The following ARHGEF4 variants were observed in gnomAD, a reference collection of about 807,000 sequenced individuals.
ARHGEF4 encodes the protein APC-stimulated guanine nucleotide exchange factor 1.
A neutral mutation model predicts 162.0 loss-of-function variants in ARHGEF4; 119 were observed. The observed-to-expected ratio is 0.73, with a 90% CI of 0.63 to 0.86. The LOEUF is 0.86. Among genes scored for constraint, ARHGEF4 ranks in the 40% least tolerant of loss-of-function variants. The pLI is 0.00. For synonymous variants in ARHGEF4, 1,014 were observed against 979.9 expected (o/e 1.03, Z -0.65); for missense variants, 2,488 against 2,456.0 (o/e 1.01, Z -0.28).
chr2:130,952,662 C>G (rs1684029188), intron 4 of ARHGEF4, among the ~76,000 whole-genome samples: 1 of 152,112 alleles, frequency 6.6e-6, no homozygotes, highest in South Asian at 2.1e-4. Flanking sequence ...ATTTAGAAAA[C>G]CCCATCGTTT....
chr2:130,880,966 T>C (rs1679149958), intron 1 of ARHGEF4, among the ~76,000 whole-genome samples: 2 of 152,234 alleles, frequency 1.3e-5, no homozygotes, highest in Admixed American at 6.5e-5. Flanking sequence ...AATTGCATAT[T>C]TTCTGTAAAT....
intron 3 of ARHGEF4, among the ~76,000 whole-genome samples, chr2:130,931,695 C>G (rs1682644089): frequency 6.6e-6 from 1 of 152,224 alleles, no homozygotes; most frequent in Admixed American, 6.5e-5. Context: ...GTTGTCCATT[C>G]AATTTTGTCT....
chr2:130,990,257 C>G (rs1686852343), intron 4 of ARHGEF4, among the ~76,000 whole-genome samples: 1 of 152,122 alleles, frequency 6.6e-6, no homozygotes, highest in Non-Finnish European at 1.5e-5. Context: ...GAAAATATGT[C>G]TTACAAACAG....
intron 4 of ARHGEF4, among the ~76,000 whole-genome samples, chr2:130,976,903 G>T (rs1289430348): frequency 6.6e-6 from 1 of 152,004 alleles, no homozygotes; most frequent in Non-Finnish European, 1.5e-5. Context: ...GTATGCATTA[G>T]TGTGTGGTGT....
chr2:130,894,192 T>A (rs1680022506), intron 1 of ARHGEF4, among the ~76,000 whole-genome samples: 2 of 152,202 alleles, frequency 1.3e-5, no homozygotes, highest in Admixed American at 1.3e-4. Context: ...TGACCTTAAC[T>A]AAGTTTTCAC....
chr2:130,886,919 G>A (rs527682840), intron 1 of ARHGEF4, among the ~76,000 whole-genome samples: 115 of 151,822 alleles, frequency 7.6e-4, no homozygotes, highest in Admixed American at 1.4e-3. Flanking sequence ...TGATGACTGT[G>A]GCACCAACAA....
chr2:131,036,518 C>T (rs1690296790), intron 5 of ARHGEF4, among the ~76,000 whole-genome samples: 2 of 152,332 alleles, frequency 1.3e-5, no homozygotes, highest in Admixed American at 6.5e-5. Context: ...GGAAGCTGGC[C>T]TCTCTGTGAA....
At chr2:130,922,877 C>T (rs1046751239) in intron 2 of ARHGEF4, among the ~76,000 whole-genome samples, 2 of 150,962 alleles carry the variant, frequency 1.3e-5, no homozygotes, top group Admixed American at 6.6e-5. Flanking sequence ...GTAAATGTGC[C>T]ACAGATATTT....
chr2:130,929,388 TA>T (rs1482870140), intron 2 of ARHGEF4, among the ~76,000 whole-genome samples: 1 of 152,182 alleles, frequency 6.6e-6, no homozygotes, highest in African/African-American at 2.4e-5. Context: ...TCTTTCACTG[TA>T]AACATATGCA....
intron 4 of ARHGEF4, among the ~76,000 whole-genome samples, chr2:131,005,673 T>G (rs1228632862): frequency 6.6e-6 from 1 of 151,276 alleles, no homozygotes; most frequent in African/African-American, 2.4e-5. Flanking sequence ...AGCTGGCCTG[T>G]GTCCTCAGGT....
At position 130,916,338 on chromosome 2, in the gene ARHGEF4, ACCT is replaced by A; in HGVS notation, c.2396_2398del (p.Ser799del). On this transcript the variant is annotated inframe_deletion, in exon 2 of 14. Transcript: ENST00000409359. ...GAAGCGCCCGACGTTTTCCAAGGTG[ACCT>A]CCTTCAGGAAGGGCAGGCCCTTGGC... 10 of 1,542,740 alleles carry A rather than the reference ACCT, an allele frequency of 6.5e-6. No homozygotes were observed. The highest frequency in any genetic ancestry group is 7.9e-6 in the Non-Finnish European group (9 of 1,145,166).
intron 4 of ARHGEF4, among the ~76,000 whole-genome samples, chr2:130,998,768 G>A (rs1420079178): frequency 6.6e-6 from 1 of 152,228 alleles, no homozygotes; most frequent in Non-Finnish European, 1.5e-5. Flanking sequence ...GAATAAAGCT[G>A]CTATAAACAT....
At chr2:130,910,733 A>G (rs1437942596) in intron 1 of ARHGEF4, among the ~76,000 whole-genome samples, 1 of 152,216 alleles carries the variant, frequency 6.6e-6, no homozygotes, top group African/African-American at 2.4e-5. Context: ...ACCTTGTACT[A>G]TGTCATAAAG....
chr2:130,883,007 C>T (rs907537515), intron 1 of ARHGEF4, among the ~76,000 whole-genome samples: 13 of 152,086 alleles, frequency 8.5e-5, no homozygotes, highest in Non-Finnish European at 1.9e-4. Flanking sequence ...GGTTTCATAG[C>T]TGACTGCCCC....
At chr2:130,853,544 C>T (rs9784134) in intron 1 of ARHGEF4, among the ~76,000 whole-genome samples, 2,165 of 152,312 alleles carry the variant, frequency 0.014, 54 homozygotes, top group African/African-American at 0.049. Flanking sequence ...TGTCTTCGCT[C>T]AGCAGGCCTG....
chr2:130,845,117 C>T (rs939211190), intron 1 of ARHGEF4, among the ~76,000 whole-genome samples: 3 of 151,632 alleles, frequency 2.0e-5, no homozygotes, highest in Non-Finnish European at 2.9e-5. Flanking sequence ...CCACCCGGCC[C>T]GCTATATTTT....
chr2:130,940,317 T>C (rs1683209845), intron 3 of ARHGEF4, among the ~76,000 whole-genome samples: 1 of 151,982 alleles, frequency 6.6e-6, no homozygotes, highest in South Asian at 2.1e-4. Flanking sequence ...TTCCTAAGAA[T>C]GGATAAAGTT....
intron 3 of ARHGEF4, among the ~76,000 whole-genome samples, chr2:130,938,974 A>G (rs1483069340): frequency 6.6e-6 from 1 of 152,158 alleles, no homozygotes; most frequent in Non-Finnish European, 1.5e-5. Context: ...TGCGTGTTGC[A>G]AGGGTTTGGT....
chr2:130,838,815 A>G lies in ARHGEF4; in HGVS notation c.39+1823A>G, dbSNP rs140099825. ...AAGATGCCTGGGCAGAATCTGAGTC[A>G]CCCAGCTGGCCCCAGAAGCTCCAGG... On this transcript the variant is annotated intron_variant, in intron 1 of 13. Coordinates refer to ENST00000409359, the MANE Select transcript of ARHGEF4 (RefSeq NM_001367493.1). Among the ~76,000 whole-genome samples the G allele has an allele frequency of 3.6e-3, 555 of 152,230 alleles. 2 individuals are homozygous for G. The highest frequency in any genetic ancestry group is 0.01 in the South Asian group (50 of 4,812).
Sources: allele counts gnomAD v4.1 joint callset (sites outside exome capture counted in the v4.1 genomes callset), GRCh38; gene constraint gnomAD v4.1.1; transcripts MANE v1.5; gene names NCBI Gene and HGNC (gene_info 2026-07-23, HGNC 2026-07-21).